Variants in LARGE1 observed in about 807,000 individuals in gnomAD.
LARGE1 encodes the protein LARGE xylosyl- and glucuronyltransferase 1.
Under a neutral mutation model 87.6 loss-of-function variants are expected in LARGE1, and 43 were observed. That is an observed-to-expected ratio of 0.49 (90% CI 0.38 to 0.63). The LOEUF is 0.63. Ranked by LOEUF, LARGE1 falls within the 30% of genes least tolerant of loss-of-function variation. LARGE1 has a pLI of 0.00. For missense variants in LARGE1, 802 were observed against 1,000.2 expected, an observed-to-expected ratio of 0.80 and a Z score of 2.67; for synonymous variants, 434 against 394.6, an observed-to-expected ratio of 1.10 and a Z score of -1.18.
At chr22:33,596,025 T>C (rs1482930901) in intron 5 of LARGE1, among the ~76,000 whole-genome samples, 2 of 152,184 alleles carry the variant, frequency 1.3e-5, no homozygotes, top group Non-Finnish European at 2.9e-5. Flanking sequence ...TCTCTGGAAG[T>C]ATTCAAAAGC....
intron 5 of LARGE1, among the ~76,000 whole-genome samples, chr22:33,597,945 C>G (rs769907726): frequency 6.6e-6 from 1 of 152,136 alleles, no homozygotes; most frequent in Non-Finnish European, 1.5e-5. Context: ...ACAGAGCCAT[C>G]CCCCTCCTCA....
At chr22:33,431,592 AG>A (rs1184374608) in intron 7 of LARGE1, among the ~76,000 whole-genome samples, 3 of 152,314 alleles carry the variant, frequency 2.0e-5, no homozygotes, top group African/African-American at 7.2e-5. Flanking sequence ...CACGCTTTAA[AG>A]GGAGGCATGG....
chr22:33,318,240 A>AAC (rs1569049487), intron 10 of LARGE1, among the ~76,000 whole-genome samples: 1 of 151,452 alleles, frequency 6.6e-6, no homozygotes, highest in Non-Finnish European at 1.5e-5. Context: ...ATCTCAAAAA[A>AAC]AAAAAAAAAG....
chr22:33,493,537 C>T (rs937810225), intron 6 of LARGE1, among the ~76,000 whole-genome samples: 1 of 152,170 alleles, frequency 6.6e-6, no homozygotes, highest in Admixed American at 6.5e-5. Flanking sequence ...ATGGTGATGA[C>T]AGCCAAGTCT....
At chr22:33,192,220 T>C (rs955019454) in intron 11 of LARGE1, among the ~76,000 whole-genome samples, 2 of 152,208 alleles carry the variant, frequency 1.3e-5, no homozygotes, top group African/African-American at 4.8e-5. Flanking sequence ...GAATTATTAT[T>C]TGCCCTTTTA....
intron 2 of LARGE1, among the ~76,000 whole-genome samples, chr22:33,699,126 G>GTT (rs2082335612): frequency 6.6e-6 from 1 of 152,148 alleles, no homozygotes; most frequent in Non-Finnish European, 1.5e-5. Flanking sequence ...AACCCATGAT[G>GTT]GTGAAAACAT....
chr22:33,647,079 T>C (rs902412964), intron 3 of LARGE1, among the ~76,000 whole-genome samples: 10 of 152,254 alleles, frequency 6.6e-5, no homozygotes, highest in African/African-American at 2.4e-4. Context: ...CATCTGGATA[T>C]ATTCTTTTGT....
chr22:33,199,897 T>C (rs1025007294), intron 11 of LARGE1, among the ~76,000 whole-genome samples: 11 of 151,958 alleles, frequency 7.2e-5, no homozygotes, highest in Non-Finnish European at 1.5e-4. Context: ...TCGCCCAGGC[T>C]GGAGGGCAGT....
downstream of LARGE1, among the ~76,000 whole-genome samples, chr22:33,162,043 C>T (rs183584281): frequency 5.9e-4 from 90 of 152,322 alleles, no homozygotes; most frequent in Middle Eastern, 3.4e-3. Context: ...AATTTTCCCA[C>T]ATTTTTCTGT....
At position 33,612,134 on chromosome 22, in the gene LARGE1, G is replaced by A. The variant is rs143583093; in HGVS notation, c.492-7576C>T. Among the ~76,000 whole-genome samples, 28 of 146,888 alleles carry A rather than the reference G, an allele frequency of 1.9e-4. No homozygotes were observed. The East Asian group carries it at 4.4e-3, about 23-fold the overall frequency. ...CACCCACCCCCAGTGAAAGAGTTTCGCTCTTATTGCCCAGGCTAGAGTGCA... is the reference window on the plus strand; with the variant it reads ...CACCCACCCCCAGTGAAAGAGTTTCACTCTTATTGCCCAGGCTAGAGTGCA... On this transcript the variant is annotated intron_variant, in intron 4 of 14. Coordinates refer to ENST00000397394, the MANE Select transcript of LARGE1 (RefSeq NM_133642.5).
intron 7 of LARGE1, among the ~76,000 whole-genome samples, chr22:33,392,274 GAAA>G (rs967054577): frequency 1.3e-5 from 2 of 151,396 alleles, no homozygotes; most frequent in African/African-American, 4.9e-5. Flanking sequence ...TATGATTCTT[GAAA>G]AAAGTCACTG....
chr22:33,823,197 G>GA (rs1443555227), intron 1 of LARGE1, among the ~76,000 whole-genome samples: 1 of 152,168 alleles, frequency 6.6e-6, no homozygotes, highest in African/African-American at 2.4e-5. Flanking sequence ...CTTCCCATGA[G>GA]AAAAATTCAT....
intron 11 of LARGE1, among the ~76,000 whole-genome samples, chr22:33,213,684 A>G (rs1925066012): frequency 6.6e-6 from 1 of 152,244 alleles, no homozygotes; most frequent in Non-Finnish European, 1.5e-5. Context: ...TTTAAAGTAT[A>G]TGTAAATTAA....
downstream of LARGE1, among the ~76,000 whole-genome samples, chr22:33,269,689 T>C (rs1465707609): frequency 6.6e-6 from 1 of 152,134 alleles, no homozygotes; most frequent in Non-Finnish European, 1.5e-5. Flanking sequence ...CATTTTTTCA[T>C]TCCAGAAGAC....
At chr22:33,172,114 CT>C (rs1195616339) in intron 11 of LARGE1, among the ~76,000 whole-genome samples, 5 of 152,380 alleles carry the variant, frequency 3.3e-5, no homozygotes, top group African/African-American at 1.2e-4. Context: ...AAAGAATGCC[CT>C]GCTGGGTTTC....
At chr22:33,332,150 C>G (rs111996697) in intron 10 of LARGE1, among the ~76,000 whole-genome samples, 4,296 of 152,168 alleles carry the variant, frequency 0.028, 86 homozygotes, top group African/African-American at 0.062. Context: ...TGTCCCCACC[C>G]AAATCTCATC....
At chr22:33,282,120 G>A (rs1930554660) in intron 13 of LARGE1, among the ~76,000 whole-genome samples, 1 of 152,150 alleles carries the variant, frequency 6.6e-6, no homozygotes, top group South Asian at 2.1e-4. Flanking sequence ...CAAGGCAGGT[G>A]GATCACCTGA....
chr22:33,283,246 C>T lies in LARGE1; in HGVS notation c.1833G>A (p.Ala611=), dbSNP rs775318098. ...CCATGTCCAGCATTGACAGCAACTC[C>T]GCTTTTGACTTGGGGAAGGACAGCC... ...RYRLSFPKSK[A]ELLSMLDMGT... The change falls in exon 13 of 15, where the codon GCG becomes GCA. Residue 611 remains alanine, a synonymous_variant. Coordinates refer to ENST00000397394, the MANE Select transcript of LARGE1 (RefSeq NM_133642.5). 1.7e-5 allele frequency: 28 copies of T among 1,614,054 alleles called. No individual in the cohort carries two copies. The highest frequency in any genetic ancestry group is 8.3e-5 in the Admixed American group (5 of 59,994).
chr22:33,899,014 C>CTGCT (rs1490539526), intron 1 of LARGE1, among the ~76,000 whole-genome samples: 11 of 152,208 alleles, frequency 7.2e-5, no homozygotes, highest in African/African-American at 2.2e-4. Context: ...CAAACCCCTG[C>CTGCT]TGCTCTTCAG....
Sources: gnomAD v4.1 joint callset for allele counts (sites outside exome capture counted in the v4.1 genomes callset) on GRCh38, gnomAD v4.1.1 for gene constraint, MANE v1.5 for transcripts, NCBI Gene and HGNC (gene_info 2026-07-23, HGNC 2026-07-21) for gene names.